Variants in CCDC80 observed in about 807,000 individuals in gnomAD.
CCDC80 encodes the protein coiled-coil domain containing 80, also known as coiled-coil domain-containing protein 80.
A neutral mutation model predicts 78.7 loss-of-function variants in CCDC80; 49 were observed. The observed-to-expected ratio is 0.62, with a 90% confidence interval of 0.50 to 0.79. CCDC80 has a LOEUF of 0.79. Ranked by LOEUF, CCDC80 falls within the 30% of genes least tolerant of loss-of-function variation. The pLI is 0.00. For missense variants in CCDC80, 1,205 were observed against 1,198.6 expected, an observed-to-expected ratio of 1.01 and a Z score of -0.08; for synonymous variants, 488 against 447.0, an observed-to-expected ratio of 1.09 and a Z score of -1.16.
chr3:112,638,564 T>A lies in CCDC80; in HGVS notation c.1342A>T (p.Thr448Ser). The A allele has an allele frequency of 6.2e-7, 1 of 1,614,044 alleles. No homozygotes were observed. Among genetic ancestry groups the A allele is most frequent in the Non-Finnish European group, 8.5e-7 (1 of 1,179,992 alleles). ...SLESFTNAPP[T>S]TISEPSTRAA... is the part of the protein sequence containing the mutation. ...CTTGTGCTGGGTTCTGAGATGGTGG[T>A]GGGAGGGGCATTTGTGAAGCTCTCC... The change falls in exon 2 of 8, where the codon ACC becomes TCC. Residue 448 changes from threonine (T) to serine (S), a missense_variant. Transcript: ENST00000206423.
chr3:112,622,609 T>C (rs1360461453), intron 3 of CCDC80, among the ~76,000 whole-genome samples: 1 of 152,192 alleles, frequency 6.6e-6, no homozygotes, highest in African/African-American at 2.4e-5. Flanking sequence ...CACTAATGAT[T>C]GTAAGGATTA....
At chr3:112,630,030 A>AT (rs1936064406) in intron 3 of CCDC80, 83 bp downstream of exon 3, 2 of 1,286,022 alleles carry the variant, frequency 1.6e-6, no homozygotes, top group Non-Finnish European at 1.1e-6. Context: ...TTTCTTTTGG[A>AT]TCCCCCATGT....
Position 112,605,600 on chromosome 3 carries a change from G to A in CCDC80, c.2670C>T (p.Tyr890=), listed in dbSNP as rs753566082. 34 of 1,614,132 alleles carry A rather than the reference G, an allele frequency of 2.1e-5. No individual in the cohort carries two copies. The highest frequency in any genetic ancestry group is 2.7e-5 in the Non-Finnish European group (32 of 1,180,032). ...PSPMWSMVIV[Y]DLIDSMQLRR... ...GAAGTTGCATCGAATCAATTAAATC[G>A]TACACAATCACCATGGACCACATTG... The change falls in exon 8 of 8, where the codon TAC becomes TAT. Residue 890 remains tyrosine (Y), a synonymous_variant. Coordinates refer to ENST00000206423, the MANE Select transcript of CCDC80 (RefSeq NM_199511.3).
intron 5 of CCDC80, among the ~76,000 whole-genome samples, chr3:112,610,475 C>A (rs1314389709): frequency 6.6e-6 from 1 of 152,024 alleles, no homozygotes; most frequent in African/African-American, 2.4e-5. Context: ...GGAGTTACTG[C>A]TAGAGTTTAG....
intron 3 of CCDC80, among the ~76,000 whole-genome samples, chr3:112,622,819 C>G (rs1431449645): frequency 2.9e-5 from 4 of 135,810 alleles, no homozygotes; most frequent in Non-Finnish European, 6.2e-5. Context: ...CCATGCCCAG[C>G]TAATTTTTTT....
rs1559883032 is a variant in CCDC80 at position 112,639,028 on chromosome 3, T to C, written c.878A>G (p.Glu293Gly). 6.2e-7 allele frequency: 1 copy of C among 1,609,170 alleles called. No homozygotes were observed. Among genetic ancestry groups the C allele is most frequent in the Admixed American group, 1.7e-5 (1 of 59,854 alleles). ...TGCTCCCCCTCCACCGTCATTCCCCTCCGCCACCACCTGGCCCTCTACACC... is the reference window on the plus strand; with the variant it reads ...TGCTCCCCCTCCACCGTCATTCCCCCCCGCCACCACCTGGCCCTCTACACC... ...ASGVEGQVVA[E>G]GNDGGGGAGR... The change falls in exon 2 of 8, where the codon GAG becomes GGG. Residue 293 changes from glutamate to glycine, a missense_variant. Glu to Gly is a moderately conservative substitution (Grantham distance 98). Coordinates refer to ENST00000206423, the MANE Select transcript of CCDC80 (RefSeq NM_199511.3).
chr3:112,620,436 T>C (rs1035049335), intron 3 of CCDC80, among the ~76,000 whole-genome samples: 2 of 152,178 alleles, frequency 1.3e-5, no homozygotes, highest in Non-Finnish European at 2.9e-5. Flanking sequence ...TTTTCAAATG[T>C]ACATTTTTGT....
chr3:112,606,446 G>A (rs1490638919), intron 7 of CCDC80, among the ~76,000 whole-genome samples: 1 of 147,426 alleles, frequency 6.8e-6, no homozygotes, highest in African/African-American at 2.5e-5. Flanking sequence ...TTGTTTTTGA[G>A]ATGGAGTCTT....
At chr3:112,630,408 T>A in intron 2 of CCDC80, 139 bp from the exon 3 acceptor site, 1 of 830,752 alleles carries the variant, frequency 1.2e-6, no homozygotes. Context: ...ACAGTTAGCA[T>A]AATTAGGACC....
chr3:112,632,849 C>T (rs777885246), intron 2 of CCDC80, among the ~76,000 whole-genome samples: 24 of 152,194 alleles, frequency 1.6e-4, no homozygotes, highest in Non-Finnish European at 2.9e-4. Flanking sequence ...GTTCTGGCCC[C>T]GGGCTCTCTT....
In CCDC80 at chr3:112,640,774, C is replaced by T. The variant is rs1035113753; in HGVS notation, c.-459G>A. 1.3e-5 allele frequency: 2 copies of T among 152,252 alleles called. No homozygotes were observed. The highest frequency in any genetic ancestry group is 4.8e-5 in the African/African-American group (2 of 41,454). 9.4% of individuals were successfully genotyped at this position (152,252 alleles called of 1,614,324 possible). A position where few individuals can be genotyped will look rare whatever the true frequency, so the allele number is the denominator to read the frequency against. Reference sequence around the variant, plus strand: ...GGATCCTTCTTATCTCCCTTTCCCCCATAGTCTGGCTTAGTCTCTTTGTTT... The same window carrying T: ...GGATCCTTCTTATCTCCCTTTCCCCTATAGTCTGGCTTAGTCTCTTTGTTT... On this transcript the variant is annotated 5_prime_UTR_variant, in exon 1 of 8. It removes an upstream start codon present in the reference 5' UTR. Coordinates refer to ENST00000206423, the MANE Select transcript of CCDC80 (RefSeq NM_199511.3).
rs766710037 is a variant in CCDC80 at position 112,616,747 on chromosome 3, C to T, written c.2284G>A (p.Glu762Lys). The T allele has an allele frequency of 1.2e-6, 2 of 1,614,180 alleles. No individual in the cohort carries two copies. The highest frequency in any genetic ancestry group is 1.7e-6 in the Non-Finnish European group (2 of 1,180,012). The change falls in exon 5 of 8, where the codon GAG (glutamate) becomes AAG (lysine). Residue 762 changes from glutamate (E) to lysine (K), a missense_variant. Physicochemically the swap from Glu to Lys is moderately conservative, Grantham distance 56 (BLOSUM62 1). Coordinates refer to ENST00000206423, the MANE Select transcript of CCDC80 (RefSeq NM_199511.3). The part of the protein sequence containing the change: ...KQKKEGIVCK[E>K]DKKQSLENFL... ...TTCTCCAGGGACTGCTTTTTGTCCT[C>T]TTTGCAAACAATGCCCTCCTTCTTC... is the stretch of plus-strand genomic sequence containing the variant.
intron 6 of CCDC80, among the ~76,000 whole-genome samples, chr3:112,607,647 G>A (rs1311010269): frequency 2.0e-5 from 3 of 152,140 alleles, no homozygotes; most frequent in Admixed American, 1.3e-4. Context: ...TCAGCTGGGT[G>A]TGGTGGCACG....
At chr3:112,607,459 T>G (rs1277806726) in intron 6 of CCDC80, among the ~76,000 whole-genome samples, 2 of 152,204 alleles carry the variant, frequency 1.3e-5, no homozygotes, top group African/African-American at 4.8e-5. Flanking sequence ...TGAACTGTGA[T>G]TCTCATTCTA....
Position 112,639,920 on chromosome 3 carries a change from TGC to T in CCDC80, c.-11-6_-11-5del. On this transcript the variant is annotated splice_region_variant and splice_polypyrimidine_tract_variant and intron_variant, in intron 1 of 7. Coordinates refer to ENST00000206423, the MANE Select transcript of CCDC80 (RefSeq NM_199511.3). ...CTCCATGTCATTGTGTAATCCACTTTGCGATGCACGGAGGTCATAAAACAAAG... is the reference window on the plus strand; with the variant it reads ...CTCCATGTCATTGTGTAATCCACTTTGATGCACGGAGGTCATAAAACAAAG... The T allele has an allele frequency of 6.2e-7, 1 of 1,606,566 alleles. No homozygotes were observed. Among genetic ancestry groups the T allele is most frequent in the Non-Finnish European group, 8.5e-7 (1 of 1,174,716 alleles).
chr3:112,639,635 G>T lies in CCDC80; in HGVS notation c.271C>A (p.Pro91Thr). The T allele has an allele frequency of 6.2e-7, 1 of 1,614,114 alleles. No individual in the cohort carries two copies. Among genetic ancestry groups the T allele is most frequent in the Non-Finnish European group, 8.5e-7 (1 of 1,180,032 alleles). Residue 91 changes from proline (P) to threonine (T), a missense_variant, in exon 2 of 8, where the codon CCG becomes ACG. By Grantham distance (38) the Pro-to-Thr change is conservative. Coordinates refer to ENST00000206423, the MANE Select transcript of CCDC80 (RefSeq NM_199511.3). Reference sequence around the variant, plus strand: ...CCATTGATGTCCGAGCGGGCTGGCGGCTCTGTTGGGCGAGCTAGTCTCAAC... The same window carrying T: ...CCATTGATGTCCGAGCGGGCTGGCGTCTCTGTTGGGCGAGCTAGTCTCAAC... ...PVLRLARPTE[P>T]PARSDINGAA...
At chr3:112,635,857 A>G (rs1936197256) in intron 2 of CCDC80, among the ~76,000 whole-genome samples, 1 of 152,224 alleles carries the variant, frequency 6.6e-6, no homozygotes, top group Non-Finnish European at 1.5e-5. Flanking sequence ...GGATACTGTT[A>G]AAAGCAGGAT....
intron 2 of CCDC80, among the ~76,000 whole-genome samples, chr3:112,637,803 G>T (rs888189451): frequency 3.9e-5 from 6 of 152,264 alleles, no homozygotes; most frequent in African/African-American, 1.2e-4. Flanking sequence ...CACTGACTTT[G>T]TACCACAGGG....
intron 5 of CCDC80, among the ~76,000 whole-genome samples, chr3:112,611,202 T>C (rs1220690986): frequency 6.6e-6 from 1 of 152,122 alleles, no homozygotes; most frequent in Non-Finnish European, 1.5e-5. Flanking sequence ...CGTGAGCCAC[T>C]GCGCCCAGCC....
Sources: allele counts gnomAD v4.1 joint callset (sites outside exome capture counted in the v4.1 genomes callset), GRCh38; gene constraint gnomAD v4.1.1; transcripts MANE v1.5; gene names NCBI Gene and HGNC (gene_info 2026-07-23, HGNC 2026-07-21).